Variants in STYXL1 observed in about 807,000 individuals in gnomAD.
The protein encoded by STYXL1 is serine/threonine/tyrosine-interacting-like protein 1.
A neutral mutation model predicts 36.4 loss-of-function variants in STYXL1; 32 were observed. The ratio of observed to expected loss-of-function variants is 0.88; its 90% confidence interval spans 0.66 to 1.18. The LOEUF (loss-of-function observed/expected upper bound fraction) is 1.18. STYXL1 is among the 50% of genes most tolerant of loss of function. The pLI, the probability that STYXL1 is intolerant of heterozygous loss-of-function variation, is 0.00. For missense variants in STYXL1, 354 were observed against 394.1 expected, an observed-to-expected ratio of 0.90 and a Z score of 0.86; for synonymous variants, 133 against 144.1, an observed-to-expected ratio of 0.92 and a Z score of 0.55.
rs1790801630 is a variant in STYXL1, at chr7:76,000,814, A to G, written c.810+76T>C. The G allele has an allele frequency of 4.5e-6, 6 of 1,343,778 alleles. No individual in the cohort carries two copies. The African/African-American group carries it at 7.2e-5, about 16-fold the overall frequency. 83.2% of individuals were successfully genotyped at this position (1,343,778 alleles called of 1,614,324 possible). A position where few individuals can be genotyped will look rare whatever the true frequency, so the allele number is the denominator to read the frequency against. On this transcript the variant is annotated intron_variant, in intron 8 of 8. Coordinates refer to ENST00000359697, the MANE Select transcript of STYXL1 (RefSeq NM_001317785.2). ...CCTCCCAAAGCAGTGCTGGGGCCCC[A>G]CTCCTCCCAGGTTGCGCTCTGACCT...
chr7:76,011,401 C>A (rs1344652294), intron 5 of STYXL1, among the ~76,000 whole-genome samples: 7 of 152,178 alleles, frequency 4.6e-5, no homozygotes, highest in African/African-American at 1.7e-4. Context: ...TTTATAATAA[C>A]CATAACAATG....
chr7:76,037,068 G>A (rs1554580890), intron 1 of STYXL1, among the ~76,000 whole-genome samples: 1 of 150,090 alleles, frequency 6.7e-6, no homozygotes, highest in African/African-American at 2.4e-5. Context: ...ACAGGCGTGA[G>A]CCACCGCACC....
chr7:76,042,148 T>C (rs1291202557), intron 1 of STYXL1, among the ~76,000 whole-genome samples: 1 of 152,178 alleles, frequency 6.6e-6, no homozygotes, highest in Non-Finnish European at 1.5e-5. Context: ...GAAAACTATG[T>C]GGACTTGGGC....
chr7:76,038,264 GA>G (rs1796114685), intron 1 of STYXL1, among the ~76,000 whole-genome samples: 1 of 149,088 alleles, frequency 6.7e-6, no homozygotes, highest in African/African-American at 2.5e-5. Context: ...TTCCGGAAGA[GA>G]ACAATGGGGA....
chr7:76,016,281 T>C (rs530640855), intron 4 of STYXL1, among the ~76,000 whole-genome samples: 1 of 151,580 alleles, frequency 6.6e-6, no homozygotes, highest in Non-Finnish European at 1.5e-5. Context: ...TGTGTATATA[T>C]GTATATCTAT....
intron 4 of STYXL1, among the ~76,000 whole-genome samples, chr7:76,016,989 G>T (rs1554574211): frequency 6.6e-6 from 1 of 151,926 alleles, no homozygotes; most frequent in South Asian, 2.1e-4. Flanking sequence ...CAACTCAAGG[G>T]CCCATCAACA....
intron 1 of STYXL1, among the ~76,000 whole-genome samples, chr7:76,036,430 C>A (rs1585328418): frequency 1.3e-5 from 2 of 150,028 alleles, no homozygotes; most frequent in African/African-American, 4.9e-5. Flanking sequence ...CTTAGCTCCA[C>A]CATTTGAGCC....
rs1298305732 is a variant in STYXL1 at position 76,036,257 on chromosome 7, C to T, written c.-4-5730G>A. 2.7e-5 allele frequency among the ~76,000 whole-genome samples: 4 copies of T among 149,866 alleles called. 1 individual carries two copies. Among genetic ancestry groups the T allele is most frequent in the Non-Finnish European group, 6.0e-5 (4 of 67,034 alleles). On this transcript the variant is annotated intron_variant, in intron 1 of 8. Transcript: ENST00000359697. Reference sequence around the variant, plus strand: ...CTAGGATTACAGGTGCCCACCACCACGTCCAGTTAATTTTTGTATTTTTAG... The same window carrying T: ...CTAGGATTACAGGTGCCCACCACCATGTCCAGTTAATTTTTGTATTTTTAG...
At chr7:76,047,329 C>CTGCGTA (rs1344127579) in intron 1 of STYXL1, among the ~76,000 whole-genome samples, 11 of 152,210 alleles carry the variant, frequency 7.2e-5, no homozygotes, top group Non-Finnish European at 1.2e-4. Context: ...GACTTTCTGT[C>CTGCGTA]TGCGTAAACT....
chr7:76,000,422 A>C (rs1554566550), intron 8 of STYXL1: 4 of 456,686 alleles, frequency 8.8e-6, no homozygotes, highest in Admixed American at 7.0e-5. Context: ...TGTGACAGGC[A>C]GGGCAGGCCC....
chr7:76,021,878 C>G lies in STYXL1; in HGVS notation c.280G>C (p.Asp94His), dbSNP rs374157398. Residue 94 changes from aspartate to histidine, a missense_variant, in exon 4 of 9, where the codon GAT becomes CAT. By Grantham distance (81) the Asp-to-His change is moderately conservative. Coordinates refer to ENST00000359697, the MANE Select transcript of STYXL1 (RefSeq NM_001317785.2). ...TTGCCATCACCATCAGAGTCTGAAT[C>G]ATCATCATCATCTTTTAAGAGTATC... ...LEILLKDDDD[D>H]SDSDGDGKDL... 7.5e-5 allele frequency: 121 copies of G among 1,609,714 alleles called. No homozygotes were observed. Among genetic ancestry groups the G allele is most frequent in the Non-Finnish European group, 1.0e-4 (120 of 1,176,868 alleles).
intron 1 of STYXL1, among the ~76,000 whole-genome samples, chr7:76,034,930 C>T (rs1395051963): frequency 6.6e-6 from 1 of 152,202 alleles, no homozygotes. Flanking sequence ...CTTGACCTGT[C>T]TACTGAGCTG....
intron 4 of STYXL1, among the ~76,000 whole-genome samples, chr7:76,018,160 C>T (rs1222071085): frequency 1.3e-5 from 2 of 151,910 alleles, no homozygotes; most frequent in Non-Finnish European, 2.9e-5. Context: ...AGCGACAGTG[C>T]CCGGCCTAAT....
intron 1 of STYXL1, chr7:76,045,781 A>G (rs1796894683): frequency 6.6e-6 from 1 of 152,218 alleles, no homozygotes; most frequent in African/African-American, 2.4e-5. Context: ...GACCGGCACA[A>G]TCTAGTTTTT....
intron 1 of STYXL1, among the ~76,000 whole-genome samples, chr7:76,037,280 C>G (rs1796009116): frequency 6.6e-6 from 1 of 150,412 alleles, no homozygotes; most frequent in African/African-American, 2.4e-5. Context: ...GGTGCTAGCA[C>G]AGGCTTTGTC....
At chr7:76,008,599 CCA>C (rs1357341802) in intron 5 of STYXL1, among the ~76,000 whole-genome samples, 2 of 152,204 alleles carry the variant, frequency 1.3e-5, no homozygotes, top group Admixed American at 1.3e-4. Context: ...GCATGACCCC[CCA>C]CTGCCTGCGG....
At chr7:76,045,933 G>A (rs1796909012) in intron 1 of STYXL1, 1 of 152,158 alleles carries the variant, frequency 6.6e-6, no homozygotes, top group Admixed American at 6.6e-5. Context: ...CTGGCTCTGA[G>A]GTGCTCTCAG....
At chr7:76,002,716 G>C (rs1200356872) in intron 7 of STYXL1, among the ~76,000 whole-genome samples, 1 of 152,094 alleles carries the variant, frequency 6.6e-6, no homozygotes, top group African/African-American at 2.4e-5. Context: ...TTGAGCTCAG[G>C]AGTTCAAGAC....
At chr7:76,046,286 G>C (rs1053454595) in intron 1 of STYXL1, among the ~76,000 whole-genome samples, 121 of 9,896 alleles carry the variant, frequency 0.012, 1 homozygote, top group Middle Eastern at 0.11. Context: ...GTGTGTGTGT[G>C]TGTGTGTGTG....
Sources: gnomAD v4.1 joint callset for allele counts (sites outside exome capture counted in the v4.1 genomes callset) on GRCh38, gnomAD v4.1.1 for gene constraint, MANE v1.5 for transcripts, NCBI Gene and HGNC (gene_info 2026-07-23, HGNC 2026-07-21) for gene names.